ELFN1: variants seen among roughly 807,000 people sequenced by gnomAD.
The protein encoded by ELFN1 is protein ELFN1.
ELFN1 carries 6 observed loss-of-function variants against 7.6 expected under a neutral mutation model. The ratio of observed to expected loss-of-function variants is 0.79; its 90% CI spans 0.43 to 1.56. The LOEUF is 1.56. ELFN1 is among the 40% of genes most tolerant of loss of function. The pLI is 0.01. For synonymous variants in ELFN1, 657 were observed against 588.1 expected (o/e 1.12, Z -1.70); for missense variants, 1,169 against 1,232.2 (o/e 0.95, Z 0.77).
intron 3 of ELFN1, among the ~76,000 whole-genome samples, chr7:1,717,089 A>C (rs1779856831): frequency 6.6e-6 from 1 of 152,154 alleles, no homozygotes; most frequent in African/African-American, 2.4e-5. Flanking sequence ...TTTACTGAGC[A>C]CCTTCTTGAT....
chr7:1,686,059 CT>C (rs139225517), intron 1 of ELFN1, among the ~76,000 whole-genome samples: 26,354 of 147,090 alleles, frequency 0.18, 2,978 homozygotes, highest in African/African-American at 0.33. Flanking sequence ...TTTCCATTGA[CT>C]TTTTTTTTTC....
At chr7:1,721,084 A>G (rs974575421) in intron 3 of ELFN1, among the ~76,000 whole-genome samples, 11 of 152,220 alleles carry the variant, frequency 7.2e-5, no homozygotes, top group Non-Finnish European at 8.8e-5. Context: ...TTGCAAAATT[A>G]AACATTGGAT....
intron 2 of ELFN1, among the ~76,000 whole-genome samples, chr7:1,707,550 G>A (rs111835361): frequency 0.11 from 16,050 of 152,220 alleles, 873 homozygotes; most frequent in Middle Eastern, 0.15. Flanking sequence ...AGCAGGCACG[G>A]GCTGGGTAGA....
rs1438905156 is a variant in ELFN1, at chr7:1,673,818, A to G, written c.-549+3464A>G. 6.6e-6 allele frequency among the ~76,000 whole-genome samples: 1 copy of G among 152,192 alleles called. No homozygotes were observed. Among genetic ancestry groups the G allele is most frequent in the Non-Finnish European group, 1.5e-5 (1 of 68,016 alleles). Reference sequence around the variant, plus strand: ...TTCCAGAAGGGTCCAGCATCGCCCGAGGTCACACAGCAAGTAAGCTGGAGC... The same window carrying G: ...TTCCAGAAGGGTCCAGCATCGCCCGGGGTCACACAGCAAGTAAGCTGGAGC... On this transcript the variant is annotated intron_variant, in intron 1 of 3. Coordinates refer to ENST00000424383, the MANE Select transcript of ELFN1 (RefSeq NM_001128636.4). This position sits in a 1 kb window ranked among gnomAD's most constrained non-coding sequence, Gnocchi z 4.7.
intron 2 of ELFN1, among the ~76,000 whole-genome samples, chr7:1,708,801 C>T (rs1480225785): frequency 2.0e-5 from 3 of 152,256 alleles, no homozygotes; most frequent in East Asian, 3.9e-4. Context: ...GTTGCAGTGA[C>T]CCCAGGTCTG....
At chr7:1,694,690 G>A (rs977675838) in intron 2 of ELFN1, among the ~76,000 whole-genome samples, 33 of 152,298 alleles carry the variant, frequency 2.2e-4, no homozygotes, top group Admixed American at 5.2e-4. Context: ...TTGCAGGAGC[G>A]AGGGTATGAG....
intron 3 of ELFN1, among the ~76,000 whole-genome samples, chr7:1,711,377 C>A (rs1269840614): frequency 6.6e-6 from 1 of 151,920 alleles, no homozygotes; most frequent in Non-Finnish European, 1.5e-5. Context: ...GCCTGTGGGA[C>A]CCCTACTCAG....
rs938304495 is a variant in ELFN1, at chr7:1,735,209, CAG to C, written c.-293-9094_-293-9093del. 4.6e-5 allele frequency among the ~76,000 whole-genome samples: 7 copies of C among 152,320 alleles called. No homozygotes were observed. The highest frequency in any genetic ancestry group is 1.7e-4 in the African/African-American group (7 of 41,564). On this transcript the variant is annotated intron_variant, in intron 3 of 3. Transcript: ENST00000424383. The surrounding 1 kb of genome is among the most constrained non-coding windows in gnomAD (Gnocchi z 5.9). ...GCACACCGGCGGACCGTCGAGGAAA[CAG>C]GAGCTTTTCTCTGTTGCACACTTGT...
chr7:1,734,630 G>A (rs1336782091), intron 3 of ELFN1, among the ~76,000 whole-genome samples: 1 of 152,164 alleles, frequency 6.6e-6, no homozygotes, highest in East Asian at 1.9e-4. Context: ...GTCTCACCCA[G>A]CCCTGGGCTC....
At chr7:1,720,393 C>T (rs1779982371) in intron 3 of ELFN1, among the ~76,000 whole-genome samples, 1 of 152,232 alleles carries the variant, frequency 6.6e-6, no homozygotes, top group Non-Finnish European at 1.5e-5. Flanking sequence ...CATACAGCTG[C>T]GGGCAAGGGG....
At chr7:1,715,161 G>A (rs1010472456) in intron 3 of ELFN1, among the ~76,000 whole-genome samples, 2 of 152,172 alleles carry the variant, frequency 1.3e-5, no homozygotes, top group Non-Finnish European at 2.9e-5. Flanking sequence ...TCTTGCCCAC[G>A]GCAGTCACTG....
intron 3 of ELFN1, among the ~76,000 whole-genome samples, chr7:1,725,485 C>T (rs1357958372): frequency 6.8e-6 from 1 of 146,172 alleles, no homozygotes; most frequent in South Asian, 2.2e-4. Flanking sequence ...TGAGGCAGAG[C>T]GGGGGTGGGG....
chr7:1,667,913 C>A (rs1450887289), upstream of ELFN1, among the ~76,000 whole-genome samples: 3 of 138,792 alleles, frequency 2.2e-5, no homozygotes, highest in Non-Finnish European at 4.5e-5. This position sits in a 1 kb window ranked among gnomAD's most constrained non-coding sequence, Gnocchi z 8.2. Flanking sequence ...GGCGACCCGG[C>A]CGGGACTCCG....
chr7:1,670,271 A>G (rs1778737436), upstream of ELFN1, among the ~76,000 whole-genome samples: 1 of 151,326 alleles, frequency 6.6e-6, no homozygotes, highest in Non-Finnish European at 1.5e-5. The surrounding 1 kb of genome is among the most constrained non-coding windows in gnomAD (Gnocchi z 6.4). Context: ...GCTGGGGAGG[A>G]ATTTCAATCC....
At chr7:1,731,839 G>A (rs148976950) in intron 3 of ELFN1, among the ~76,000 whole-genome samples, 9,764 of 152,204 alleles carry the variant, frequency 0.064, 421 homozygotes, top group South Asian at 0.12. Flanking sequence ...TAGTAGAGAC[G>A]GGGTTTTGCC....
chr7:1,721,192 C>A (rs1780011182), intron 3 of ELFN1, among the ~76,000 whole-genome samples: 1 of 152,172 alleles, frequency 6.6e-6, no homozygotes, highest in Non-Finnish European at 1.5e-5. Flanking sequence ...GGAGGGAGAG[C>A]CGGTGGGAGG....
rs568613949 is a variant in ELFN1 at position 1,746,537 on chromosome 7, C to T, written c.1941C>T (p.Arg647=). Residue 647 remains arginine (R), a synonymous_variant, in exon 4 of 4, where the codon CGC becomes CGT. Coordinates refer to ENST00000424383, the MANE Select transcript of ELFN1 (RefSeq NM_001128636.4). ...GCACCTCGTCCAGCGGCTCCGTGCG[C>T]AGCCCCCGCGCCTTCCGAGCCGAGG... ...RASTSSSGSV[R]SPRAFRAEAV... 505 of 1,424,514 alleles carry T rather than the reference C, an allele frequency of 3.5e-4. 1 individual carries two copies. The African/African-American group carries it at 7.3e-3, about 21-fold the overall frequency. The allele number at this position is 1,424,514 out of a possible 1,614,324, so 88.2% of individuals were successfully genotyped here.
At chr7:1,698,186 A>C (rs1239954186) in intron 2 of ELFN1, among the ~76,000 whole-genome samples, 19 of 152,284 alleles carry the variant, frequency 1.2e-4, no homozygotes, top group Non-Finnish European at 2.9e-5. Flanking sequence ...TTCCAAGGGA[A>C]CCTCAGCCTT....
At chr7:1,704,719 G>C (rs1779496341) in intron 2 of ELFN1, among the ~76,000 whole-genome samples, 1 of 152,070 alleles carries the variant, frequency 6.6e-6, no homozygotes, top group Non-Finnish European at 1.5e-5. Context: ...TCAGTGCCAG[G>C]TCTGGGCACC....
Sources: gnomAD v4.1 joint callset for allele counts (sites outside exome capture counted in the v4.1 genomes callset) on GRCh38, gnomAD v4.1.1 for gene constraint, Gnocchi (gnomAD v3.1) non-coding constraint, MANE v1.5 for transcripts, NCBI Gene and HGNC (gene_info 2026-07-23, HGNC 2026-07-21) for gene names.